SPATA17: variants seen among roughly 807,000 people sequenced by gnomAD.
SPATA17 encodes spermatogenesis associated 17.
SPATA17 carries 53 observed loss-of-function variants against 62.2 expected under a neutral mutation model. The ratio of observed to expected loss-of-function variants is 0.85; its 90% CI spans 0.68 to 1.07. SPATA17 has a LOEUF of 1.07. Ranked by LOEUF, SPATA17 falls within the 50% of genes least tolerant of loss-of-function variation. The pLI is 0.00. For synonymous variants in SPATA17, 146 were observed against 146.8 expected, an observed-to-expected ratio of 0.99 and a Z score of 0.04; for missense variants, 466 against 425.5, an observed-to-expected ratio of 1.10 and a Z score of -0.84.
chr1:217,834,226 C>T lies in SPATA17; in HGVS notation c.1006-28548C>T, dbSNP rs554916992. ...AAAGTATAGCACATATGATTATGTA[C>T]AATACATAATACTTGATAACGATAA... On this transcript the variant is annotated intron_variant, in intron 9 of 10. Transcript: ENST00000366933. Among the ~76,000 whole-genome samples the T allele has an allele frequency of 2.4e-3, 370 of 152,094 alleles. 2 individuals carry two copies. The highest frequency in any genetic ancestry group is 8.5e-3 in the African/African-American group (353 of 41,502).
intron 3 of SPATA17, among the ~76,000 whole-genome samples, chr1:217,659,506 C>G (rs1470032321): frequency 7.2e-5 from 11 of 151,906 alleles, no homozygotes; most frequent in Admixed American, 7.2e-4. Context: ...CAATCATTGT[C>G]TCATTATGTC....
At chr1:217,698,505 G>A (rs1012493147) in intron 5 of SPATA17, among the ~76,000 whole-genome samples, 2 of 151,500 alleles carry the variant, frequency 1.3e-5, no homozygotes, top group African/African-American at 2.4e-5. Context: ...CCAAATCAGA[G>A]GGCCATTTTC....
intron 9 of SPATA17, among the ~76,000 whole-genome samples, chr1:217,838,442 G>A (rs1021095586): frequency 1.2e-4 from 18 of 151,884 alleles, no homozygotes; most frequent in East Asian, 9.7e-4. Flanking sequence ...TTTCCAGTTC[G>A]CTCATTATAG....
intron 8 of SPATA17, among the ~76,000 whole-genome samples, chr1:217,801,104 G>A (rs1674299663): frequency 6.6e-6 from 1 of 152,226 alleles, no homozygotes; most frequent in Admixed American, 6.5e-5. Flanking sequence ...CAGCCTCCAT[G>A]TTAAATACCT....
At chr1:217,833,978 C>T (rs906970568) in intron 9 of SPATA17, among the ~76,000 whole-genome samples, 14 of 152,160 alleles carry the variant, frequency 9.2e-5, no homozygotes, top group African/African-American at 2.9e-4. Context: ...GGAATTAGAA[C>T]TCCAATAACT....
intron 6 of SPATA17, among the ~76,000 whole-genome samples, chr1:217,761,777 G>A (rs911290128): frequency 2.0e-5 from 3 of 152,142 alleles, no homozygotes; most frequent in African/African-American, 7.2e-5. Context: ...AGAGAGAATT[G>A]TTTAGTGAGG....
intron 9 of SPATA17, among the ~76,000 whole-genome samples, chr1:217,806,085 T>A (rs1296634954): frequency 6.6e-6 from 1 of 152,234 alleles, no homozygotes; most frequent in East Asian, 1.9e-4. Flanking sequence ...AGGGGTGATA[T>A]TTCTATGCCA....
intron 6 of SPATA17, among the ~76,000 whole-genome samples, chr1:217,761,647 G>A (rs1444702569): frequency 6.6e-6 from 1 of 152,106 alleles, no homozygotes; most frequent in Non-Finnish European, 1.5e-5. Context: ...TAGGGGTAGG[G>A]CGTTAATAGA....
In SPATA17 at chr1:217,730,577, CCTT is replaced by C. The variant is rs1672380669; in HGVS notation, c.396-11394_396-11392del. Reference sequence around the variant, plus strand: ...CAAAAAAGCAGTCTGAATTTCAAATCCTTCTTTTTTGTAGTGATCTTTAGAGGA... The same window carrying C: ...CAAAAAAGCAGTCTGAATTTCAAATCCTTTTTTGTAGTGATCTTTAGAGGA... On this transcript the variant is annotated intron_variant, in intron 5 of 10. Transcript: ENST00000366933. Among the ~76,000 whole-genome samples the C allele has an allele frequency of 3.3e-5, 5 of 152,004 alleles. No individual in the cohort carries two copies. In the South Asian group the frequency reaches 1.0e-3, roughly 32 times the overall value.
At position 217,641,270 on chromosome 1, in the gene SPATA17, A is replaced by G. The variant is rs146832435; in HGVS notation, c.69-7612A>G. On this transcript the variant is annotated intron_variant, in intron 1 of 10. Transcript: ENST00000366933. The stretch of plus-strand genomic sequence containing the variant: ...ATCAGCAAATGAGATTAACAAGACA[A>G]TTACCCCAGCTTTCTTTTGGAGGCA... Among the ~76,000 whole-genome samples the G allele has an allele frequency of 2.2e-4, 33 of 152,252 alleles. No homozygotes were observed. In the East Asian group the frequency reaches 5.4e-3, roughly 25 times the overall value.
intron 5 of SPATA17, among the ~76,000 whole-genome samples, chr1:217,705,121 T>C (rs1352311367): frequency 6.6e-6 from 1 of 152,312 alleles, no homozygotes; most frequent in East Asian, 1.9e-4. Context: ...TAGTATCTAA[T>C]TGTGGTTGTG....
chr1:217,844,426 C>T (rs149586182), intron 9 of SPATA17, among the ~76,000 whole-genome samples: 2 of 152,064 alleles, frequency 1.3e-5, no homozygotes, highest in South Asian at 2.1e-4. Context: ...CACCAAGGCT[C>T]GTGGGACTGG....
At chr1:217,823,743 A>T (rs1235411731) in intron 9 of SPATA17, among the ~76,000 whole-genome samples, 1 of 151,924 alleles carries the variant, frequency 6.6e-6, no homozygotes. Flanking sequence ...ATTGCAGTGT[A>T]TCTCTCTCTT....
intron 5 of SPATA17, among the ~76,000 whole-genome samples, chr1:217,696,105 T>A (rs1671450481): frequency 6.6e-6 from 1 of 152,204 alleles, no homozygotes. Context: ...GCTGCCGCCT[T>A]GCAGTTTGAT....
At chr1:217,723,259 G>A (rs570350890) in intron 5 of SPATA17, among the ~76,000 whole-genome samples, 3 of 152,220 alleles carry the variant, frequency 2.0e-5, no homozygotes, top group South Asian at 4.2e-4. Context: ...AAAAGGATTG[G>A]GATCACTTCC....
chr1:217,768,743 C>T (rs577584530), intron 6 of SPATA17, among the ~76,000 whole-genome samples: 28 of 152,074 alleles, frequency 1.8e-4, no homozygotes, highest in Admixed American at 3.9e-4. Flanking sequence ...CCACCTGCCT[C>T]GGCCTCCCAA....
At chr1:217,863,290 T>A (rs1368117519) in intron 10 of SPATA17, among the ~76,000 whole-genome samples, 1 of 151,850 alleles carries the variant, frequency 6.6e-6, no homozygotes, top group Non-Finnish European at 1.5e-5. Flanking sequence ...CCTGGCTAAT[T>A]TTTGTATTTT....
chr1:217,864,383 G>C (rs2103017505), intron 10 of SPATA17, among the ~76,000 whole-genome samples: 1 of 152,186 alleles, frequency 6.6e-6, no homozygotes. Flanking sequence ...AATGTTATAA[G>C]TCTTTACCCA....
chr1:217,733,664 T>A (rs1192183523), intron 5 of SPATA17, among the ~76,000 whole-genome samples: 1 of 152,218 alleles, frequency 6.6e-6, no homozygotes, highest in Admixed American at 6.5e-5. Flanking sequence ...AATAAACAAA[T>A]GAGTGTTAAT....
Sources: allele counts gnomAD v4.1 joint callset (sites outside exome capture counted in the v4.1 genomes callset), GRCh38; gene constraint gnomAD v4.1.1; transcripts MANE v1.5; gene names NCBI Gene and HGNC (gene_info 2026-07-23, HGNC 2026-07-21).